The following BRIP1 variants were observed in gnomAD, a reference collection of about 807,000 sequenced individuals.
BRIP1 encodes BRCA1 interacting DNA helicase 1.
Under a neutral mutation model 119.7 loss-of-function variants are expected in BRIP1, and 88 were observed. The ratio of observed to expected loss-of-function variants is 0.74; its 90% CI spans 0.62 to 0.88. The LOEUF (loss-of-function observed/expected upper bound fraction) is 0.88, where lower values mean the gene tolerates loss of function less well. Among genes scored for constraint, BRIP1 ranks in the 40% least tolerant of loss-of-function variants. BRIP1 has a pLI of 0.00. For missense variants in BRIP1, 1,259 were observed against 1,455.4 expected (o/e 0.87, Z 2.20); for synonymous variants, 443 against 496.5 (o/e 0.89, Z 1.43).
rs557046424 is a variant in BRIP1 at position 61,767,719 on chromosome 17, C to T, written c.2097+8682G>A. Among the ~76,000 whole-genome samples the T allele has an allele frequency of 4.6e-5, 7 of 152,244 alleles. No homozygotes were observed. Among genetic ancestry groups the T allele is most frequent in the African/African-American group, 1.7e-4 (7 of 41,538 alleles). ...TGCTGGGATTACAGGTGTGAGTCACCGCACCTGGCCCTTATCCTATGTTTC... is the reference window on the plus strand; with the variant it reads ...TGCTGGGATTACAGGTGTGAGTCACTGCACCTGGCCCTTATCCTATGTTTC... On this transcript the variant is annotated intron_variant, in intron 14 of 19. Coordinates refer to ENST00000259008, the MANE Select transcript of BRIP1 (RefSeq NM_032043.3). The surrounding 1 kb of genome is among the most constrained non-coding windows in gnomAD (Gnocchi z 5.7).
chr17:61,731,989 T>A (rs1476959674), intron 16 of BRIP1, among the ~76,000 whole-genome samples: 1 of 137,048 alleles, frequency 7.3e-6, no homozygotes, highest in African/African-American at 2.7e-5. Context: ...TTCTTTTTTT[T>A]TTTTTTTTTT....
At position 61,837,457 on chromosome 17, in the gene BRIP1, T is replaced by C. The variant is rs78434920; in HGVS notation, c.627+9644A>G. On this transcript the variant is annotated intron_variant, in intron 6 of 19. Transcript: ENST00000259008. ...TCTTCCACACACCAGGCCCAAGTTA[T>C]GAATTAAAATAATATGCTACTGCTA... 1.8e-3 allele frequency among the ~76,000 whole-genome samples: 278 copies of C among 152,250 alleles called. 3 individuals carry two copies. The East Asian group carries it at 0.033, about 18-fold the overall frequency.
rs547454423 is a variant in BRIP1 at position 61,684,386 on chromosome 17, G to A, written c.2906-246C>T. ...GGTAAACTATCAAATTCCACAGCAGGGAGCTCAAGAATGAATGAGGAAAGA... is the reference window on the plus strand; with the variant it reads ...GGTAAACTATCAAATTCCACAGCAGAGAGCTCAAGAATGAATGAGGAAAGA... On this transcript the variant is annotated intron_variant, in intron 19 of 19. Transcript: ENST00000259008. The surrounding 1 kb of genome is among the most constrained non-coding windows in gnomAD (Gnocchi z 4.5). Among the ~76,000 whole-genome samples the A allele has an allele frequency of 5.9e-5, 9 of 152,230 alleles. No individual in the cohort carries two copies. Among genetic ancestry groups the A allele is most frequent in the Admixed American group, 3.3e-4 (5 of 15,278 alleles).
At chr17:61,826,583 T>C (rs2078410193) in intron 6 of BRIP1, among the ~76,000 whole-genome samples, 1 of 151,866 alleles carries the variant, frequency 6.6e-6, no homozygotes, top group Non-Finnish European at 1.5e-5. Flanking sequence ...GCAAAGGACA[T>C]GAATGGACAC....
At position 61,738,651 on chromosome 17, in the gene BRIP1, A is replaced by G. The variant is rs2076949636; in HGVS notation, c.2379+4362T>C. 6.6e-6 allele frequency among the ~76,000 whole-genome samples: 1 copy of G among 152,068 alleles called. No homozygotes were observed. Among genetic ancestry groups the G allele is most frequent in the African/African-American group, 2.4e-5 (1 of 41,338 alleles). On this transcript the variant is annotated intron_variant, in intron 16 of 19. Transcript: ENST00000259008. This position sits in a 1 kb window ranked among gnomAD's most constrained non-coding sequence, Gnocchi z 4.2. Reference sequence around the variant, plus strand: ...GCATTAAGAACCCCAGATTGGTATAATAACAATGTTCAAAATCATAGCTGT... The same window carrying G: ...GCATTAAGAACCCCAGATTGGTATAGTAACAATGTTCAAAATCATAGCTGT...
chr17:61,845,235 A>C lies in BRIP1; in HGVS notation c.627+1866T>G, dbSNP rs539211930. Among the ~76,000 whole-genome samples, 3 of 152,298 alleles carry C rather than the reference A, an allele frequency of 2.0e-5. No homozygotes were observed. The highest frequency in any genetic ancestry group is 4.1e-4 in the South Asian group (2 of 4,824). ...CTATTAATATAAAGCTTCAGTGAAGATCACCAACAAAACACAAATTAAATG... is the reference window on the plus strand; with the variant it reads ...CTATTAATATAAAGCTTCAGTGAAGCTCACCAACAAAACACAAATTAAATG... On this transcript the variant is annotated intron_variant, in intron 6 of 19. Transcript: ENST00000259008. The surrounding 1 kb of genome is among the most constrained non-coding windows in gnomAD (Gnocchi z 4.2).
chr17:61,793,828 T>A lies in BRIP1; in HGVS notation c.1341-99A>T, dbSNP rs1034834479. On this transcript the variant is annotated intron_variant, in intron 9 of 19. Coordinates refer to ENST00000259008, the MANE Select transcript of BRIP1 (RefSeq NM_032043.3). The surrounding 1 kb of genome is among the most constrained non-coding windows in gnomAD (Gnocchi z 5.2). ...ATCATTATTGTCATGCGTTGATCTG[T>A]ATATCTTGACATTCTTAGGACATGA... The A allele has an allele frequency of 7.9e-7, 1 of 1,259,404 alleles. No homozygotes were observed. The highest frequency in any genetic ancestry group is 1.1e-6 in the Non-Finnish European group (1 of 924,212). 78.0% of individuals were successfully genotyped at this position (1,259,404 alleles called of 1,614,324 possible). A position where few individuals can be genotyped will look rare whatever the true frequency, so the allele number is the denominator to read the frequency against.
intron 14 of BRIP1, among the ~76,000 whole-genome samples, chr17:61,764,177 A>G (rs1005065569): frequency 2.0e-5 from 3 of 152,202 alleles, no homozygotes; most frequent in African/African-American, 7.2e-5. Context: ...AAGTGTGTCA[A>G]TTGTGCATCT....
At chr17:61,723,299 A>G (rs932737145) in intron 16 of BRIP1, among the ~76,000 whole-genome samples, 7 of 152,222 alleles carry the variant, frequency 4.6e-5, no homozygotes, top group Non-Finnish European at 8.8e-5. Context: ...TGAAATGTCA[A>G]AAGACAACCT....
intron 14 of BRIP1, among the ~76,000 whole-genome samples, chr17:61,772,078 G>A (rs2077456852): frequency 6.7e-6 from 1 of 148,852 alleles, no homozygotes; most frequent in Non-Finnish European, 1.5e-5. Context: ...AGCGTTCATA[G>A]CAGCATTATT....
At chr17:61,721,212 G>A (rs1381238121) in intron 16 of BRIP1, among the ~76,000 whole-genome samples, 1 of 149,320 alleles carries the variant, frequency 6.7e-6, no homozygotes, top group Non-Finnish European at 1.5e-5. Context: ...CTGAAAAGCA[G>A]CTTTCAAATT....
Position 61,823,796 on chromosome 17 carries a change from A to ACACACC in BRIP1, c.628-15040_628-15039insGGTGTG, listed in dbSNP as rs371160215. On this transcript the variant is annotated intron_variant, in intron 6 of 19. Transcript: ENST00000259008. The surrounding 1 kb of genome is among the most constrained non-coding windows in gnomAD (Gnocchi z 4.8). The stretch of plus-strand genomic sequence containing the variant: ...CACACACACACACACACACACACAC[A>ACACACC]CCTTAGTTGAATTGCTGAAAGCAGA... Among the ~76,000 whole-genome samples the ACACACC allele has an allele frequency of 0.18, 26,110 of 148,868 alleles. 2,670 individuals are homozygous for ACACACC. The highest frequency in any genetic ancestry group is 0.29 in the Admixed American group (4,346 of 14,984).
rs970099138 is a variant in BRIP1, at chr17:61,823,857, T to C, written c.628-15100A>G. ...GAATTTTTTTTTTTGAGACGGAGTT[T>C]CGCAGTTGTTGCCCAAAGTGATCTC... On this transcript the variant is annotated intron_variant, in intron 6 of 19. Transcript: ENST00000259008. This position sits in a 1 kb window ranked among gnomAD's most constrained non-coding sequence, Gnocchi z 4.8. 4.5e-4 allele frequency among the ~76,000 whole-genome samples: 69 copies of C among 152,104 alleles called. No homozygotes were observed. The highest frequency in any genetic ancestry group is 5.9e-4 in the Admixed American group (9 of 15,268).
chr17:61,683,581 T>TA lies in BRIP1; in HGVS notation c.3464_3465insT (p.Asn1156LysfsTer2). 6.2e-7 allele frequency: 1 copy of TA among 1,612,712 alleles called. No individual in the cohort carries two copies. Among genetic ancestry groups the TA allele is most frequent in the Non-Finnish European group, 8.5e-7 (1 of 1,179,962 alleles). On this transcript the variant is annotated frameshift_variant, in exon 20 of 20. Coordinates refer to ENST00000259008, the MANE Select transcript of BRIP1 (RefSeq NM_032043.3). LOFTEE classifies it low-confidence loss of function (END_TRUNC). This position sits in a 1 kb window ranked among gnomAD's most constrained non-coding sequence, Gnocchi z 4.7. ...AATCTGAATTGTTAGCCAATCTATT[T>TA]CCTCTATCAGTTTCAGCTAGGTCAT...
intron 17 of BRIP1, among the ~76,000 whole-genome samples, chr17:61,697,935 A>G (rs991840608): frequency 1.3e-5 from 2 of 152,024 alleles, no homozygotes; most frequent in African/African-American, 4.8e-5. Context: ...CCTCCCAAGT[A>G]GCTGGGATTA....
intron 10 of BRIP1, among the ~76,000 whole-genome samples, chr17:61,790,222 C>T (rs1567822615): frequency 2.6e-5 from 4 of 152,128 alleles, no homozygotes; most frequent in Admixed American, 2.0e-4. Flanking sequence ...CCTTTTGAAT[C>T]TGGTTTCCTT....
Position 61,705,364 on chromosome 17 carries a change from T to C in BRIP1, c.2492+10587A>G, listed in dbSNP as rs1329152877. On this transcript the variant is annotated intron_variant, in intron 17 of 19. Transcript: ENST00000259008. This position sits in a 1 kb window ranked among gnomAD's most constrained non-coding sequence, Gnocchi z 5.0. ...CGTTGATAGGTATTTGAGTTGCTTCTATGCCTTTGCTTTTGTGAATTGTGC... is the reference window on the plus strand; with the variant it reads ...CGTTGATAGGTATTTGAGTTGCTTCCATGCCTTTGCTTTTGTGAATTGTGC... 2.0e-5 allele frequency among the ~76,000 whole-genome samples: 3 copies of C among 152,182 alleles called. No individual in the cohort carries two copies. The highest frequency in any genetic ancestry group is 4.4e-5 in the Non-Finnish European group (3 of 68,002).
At position 61,815,114 on chromosome 17, in the gene BRIP1, G is replaced by GA. The variant is rs11300875; in HGVS notation, c.628-6358dup. Among the ~76,000 whole-genome samples the GA allele has an allele frequency of 1.2e-3, 164 of 141,796 alleles. 1 individual carries two copies. The highest frequency in any genetic ancestry group is 4.2e-3 in the Admixed American group (60 of 14,238). 93.0% of individuals were successfully genotyped at this position (141,796 alleles called of 152,430 possible). On this transcript the variant is annotated intron_variant, in intron 6 of 19. Transcript: ENST00000259008. The surrounding 1 kb of genome is among the most constrained non-coding windows in gnomAD (Gnocchi z 4.1). Reference sequence around the variant, plus strand: ...TACCTGAAAAATGCTAGAAGTGCTGGAAAAAAAAAAAAAAACCCACAGTAA... The same window carrying GA: ...TACCTGAAAAATGCTAGAAGTGCTGGAAAAAAAAAAAAAAAACCCACAGTAA...
intron 16 of BRIP1, among the ~76,000 whole-genome samples, chr17:61,737,498 A>G (rs1487673303): frequency 6.6e-6 from 1 of 152,188 alleles, no homozygotes; most frequent in African/African-American, 2.4e-5. Flanking sequence ...CCTAAATATG[A>G]CACCAAAGCA....
Sources: allele counts gnomAD v4.1 joint callset (sites outside exome capture counted in the v4.1 genomes callset), GRCh38; gene constraint gnomAD v4.1.1; non-coding constraint Gnocchi (gnomAD v3.1); transcripts MANE v1.5; gene names NCBI Gene and HGNC (gene_info 2026-07-23, HGNC 2026-07-21).